RAVER1: variants seen among roughly 807,000 people sequenced by gnomAD.
RAVER1 encodes ribonucleoprotein, PTB binding 1, also known as ribonucleoprotein PTB-binding 1.
A neutral mutation model predicts 68.4 loss-of-function variants in RAVER1; 36 were observed. The observed-to-expected ratio is 0.53, with a 90% CI of 0.40 to 0.70. The LOEUF is 0.70. Ranked by LOEUF, RAVER1 falls within the 30% of genes least tolerant of loss-of-function variation. The probability of loss-of-function intolerance (pLI) is 0.00; values close to 1 mark genes in which losing one functional copy is unlikely to be tolerated. For synonymous variants in RAVER1, 469 were observed against 472.7 expected (o/e 0.99, Z 0.10); for missense variants, 933 against 1,019.8 (o/e 0.91, Z 1.16).
chr19:10,331,394 A>AAC (rs1491413460), intron 1 of RAVER1, among the ~76,000 whole-genome samples: 8 of 49,206 alleles, frequency 1.6e-4, no homozygotes, highest in Non-Finnish European at 2.5e-4. Flanking sequence ...TAACAACAAC[A>AAC]AAAAAAAAAA....
rs1568309199 is a variant in RAVER1 at position 10,317,508 on chromosome 19, C to G, written c.2166G>C (p.Gln722His). 6.2e-7 allele frequency: 1 copy of G among 1,613,646 alleles called. No individual in the cohort carries two copies. Among genetic ancestry groups the G allele is most frequent in the Non-Finnish European group, 8.5e-7 (1 of 1,179,560 alleles). Residue 722 changes from glutamine (Q) to histidine (H), a missense_variant, in exon 13 of 13, where the codon CAG becomes CAC. By Grantham distance (24) the Gln-to-His change is conservative. Around this residue, in one of 3 missense-constraint regions of RAVER1, gnomAD observed 699 missense variants for 731.1 expected, o/e 0.96. Transcript: ENST00000617231. The surrounding 1 kb of genome is among the most constrained non-coding windows in gnomAD (Gnocchi z 4.3). ...PEGSYVGQHS[Q>H]GLGGHYADSY... ...AGTCCGCGTAGTGGCCGCCGAGGCC[C>G]TGGGAGTGCTGGCCCACATAGCTGC... is the stretch of plus-strand genomic sequence containing the variant.
In RAVER1 at chr19:10,321,138, C is replaced by T. The variant is rs2145069366; in HGVS notation, c.1383G>A (p.Gln461=). The T allele has an allele frequency of 7.7e-7, 1 of 1,292,892 alleles. No individual in the cohort carries two copies. The allele number at this position is 1,292,892 out of a possible 1,614,324, so 80.1% of individuals were successfully genotyped here. Residue 461 remains glutamine (Q), a synonymous_variant, in exon 8 of 13, where the codon CAG becomes CAA. Transcript: ENST00000617231. ...EALGLGPPAA[Q]LTPPPAPVGL... is the part of the protein sequence containing the mutation. ...CCACAGGGGCGGGGGGAGGAGTGAGCTGGGCCGCTGGGGGACCCAAGCCCA... is the reference window on the plus strand; with the variant it reads ...CCACAGGGGCGGGGGGAGGAGTGAGTTGGGCCGCTGGGGGACCCAAGCCCA...
At chr19:10,325,745 C>T (rs962660173) in intron 3 of RAVER1, among the ~76,000 whole-genome samples, 1 of 151,052 alleles carries the variant, frequency 6.6e-6, no homozygotes, top group Non-Finnish European at 1.5e-5. Context: ...CCCAGGAGGT[C>T]GAGGCCGGAG....
At chr19:10,330,222 T>A (rs78032802) in intron 2 of RAVER1, among the ~76,000 whole-genome samples, 2,265 of 151,904 alleles carry the variant, frequency 0.015, 32 homozygotes, top group South Asian at 0.025. Flanking sequence ...TGTCAAGAAT[T>A]AGCTCAATGC....
At chr19:10,327,790 TG>T (rs890298541) in intron 3 of RAVER1, among the ~76,000 whole-genome samples, 1 of 152,200 alleles carries the variant, frequency 6.6e-6, no homozygotes, top group African/African-American at 2.4e-5. Context: ...CAGCGAGTGC[TG>T]GGGGAATGTC....
At chr19:10,324,657 C>T (rs566779809) in intron 3 of RAVER1, among the ~76,000 whole-genome samples, 2 of 152,132 alleles carry the variant, frequency 1.3e-5, no homozygotes, top group Non-Finnish European at 2.9e-5. Context: ...GGATTACAGG[C>T]GTGAGCCACT....
At chr19:10,327,675 T>C (rs1416579937) in intron 3 of RAVER1, among the ~76,000 whole-genome samples, 1 of 152,202 alleles carries the variant, frequency 6.6e-6, no homozygotes, top group African/African-American at 2.4e-5. Context: ...GGCAAGTTAC[T>C]TGACCCCTCT....
intron 10 of RAVER1, 48 bp downstream of exon 10, chr19:10,319,118 A>G: frequency 1.9e-6 from 3 of 1,547,000 alleles, no homozygotes; most frequent in Non-Finnish European, 1.8e-6. Flanking sequence ...ACAGCCTGTC[A>G]TGTAGTAAAA....
chr19:10,318,834 G>C (rs923136814), intron 10 of RAVER1, among the ~76,000 whole-genome samples: 4 of 152,224 alleles, frequency 2.6e-5, no homozygotes, highest in Admixed American at 2.6e-4. Flanking sequence ...AGCTCACTGA[G>C]ACCCAGGTGA....
Position 10,320,808 on chromosome 19 carries a change from A to T in RAVER1, c.1617T>A (p.Ala539=). The change falls in exon 9 of 13, where the codon GCT becomes GCA. Residue 539 remains alanine, a synonymous_variant. Transcript: ENST00000617231. The part of the protein sequence containing the change: ...WGGAGRSRRP[A]EGPPTNPPAP... Reference sequence around the variant, plus strand: ...CTGGGGGGTTAGTTGGGGGGCCCTCAGCTGGGCGGCGGCTTCTCCCGGCGC... The same window carrying T: ...CTGGGGGGTTAGTTGGGGGGCCCTCTGCTGGGCGGCGGCTTCTCCCGGCGC... The T allele has an allele frequency of 6.6e-7, 1 of 1,526,268 alleles. No homozygotes were observed. The highest frequency in any genetic ancestry group is 8.7e-7 in the Non-Finnish European group (1 of 1,144,534). The allele number at this position is 1,526,268 out of a possible 1,614,324, so 94.5% of individuals were successfully genotyped here.
chr19:10,327,341 G>A (rs78763691), intron 3 of RAVER1, among the ~76,000 whole-genome samples: 4,452 of 152,044 alleles, frequency 0.029, 88 homozygotes, highest in East Asian at 0.049. Context: ...ATGGCTCACT[G>A]CAGCCTCGGA....
chr19:10,325,680 G>A (rs1403019529), intron 3 of RAVER1, among the ~76,000 whole-genome samples: 1 of 152,106 alleles, frequency 6.6e-6, no homozygotes, highest in Non-Finnish European at 1.5e-5. Context: ...GCATGGTGAT[G>A]CATTCCTGTA....
intron 1 of RAVER1, among the ~76,000 whole-genome samples, chr19:10,331,547 G>T (rs2040518115): frequency 6.6e-6 from 1 of 151,404 alleles, no homozygotes; most frequent in Admixed American, 6.6e-5. Flanking sequence ...TCAGCTGGCT[G>T]TGGTGGCGTG....
At position 10,322,765 on chromosome 19, in the gene RAVER1, T is replaced by TG. The variant is rs1414537491; in HGVS notation, c.1079-27dup. 1.5e-6 allele frequency: 2 copies of TG among 1,344,258 alleles called. No individual in the cohort carries two copies. Among genetic ancestry groups the TG allele is most frequent in the Non-Finnish European group, 2.0e-6 (2 of 1,017,158 alleles). 83.3% of individuals were successfully genotyped at this position (1,344,258 alleles called of 1,614,324 possible). ...CTGGAGGGAGACATAGGAGGATGTGTGGGGGTCCCTGTGTCCTCCCTGCCC... is the reference window on the plus strand; with the variant it reads ...CTGGAGGGAGACATAGGAGGATGTGTGGGGGGTCCCTGTGTCCTCCCTGCCC... On this transcript the variant is annotated intron_variant, in intron 5 of 12. Coordinates refer to ENST00000617231, the MANE Select transcript of RAVER1 (RefSeq NM_133452.3). This position sits in a 1 kb window ranked among gnomAD's most constrained non-coding sequence, Gnocchi z 4.3.
At chr19:10,318,396 T>C (rs2040410875) in intron 10 of RAVER1, 24 bp from the exon 11 acceptor site, 2 of 1,571,780 alleles carry the variant, frequency 1.3e-6, no homozygotes, top group Non-Finnish European at 1.7e-6. Flanking sequence ...GCCGGTGGAG[T>C]GAAGCAGACA....
In RAVER1 at chr19:10,323,315, CCCTG is replaced by C; in HGVS notation, c.949-45_949-42del. On this transcript the variant is annotated intron_variant, in intron 4 of 12. Transcript: ENST00000617231. The surrounding 1 kb of genome is among the most constrained non-coding windows in gnomAD (Gnocchi z 6.2). ...GAAGCAGCTCAGAGTGCCGCTGGGG[CCCTG>C]ACATCCCCATGGGGCTCCCATCCCC... 6.2e-7 allele frequency: 1 copy of C among 1,611,734 alleles called. No homozygotes were observed. The highest frequency in any genetic ancestry group is 8.5e-7 in the Non-Finnish European group (1 of 1,179,062).
intron 9 of RAVER1, 78 bp downstream of exon 9, chr19:10,320,577 C>T: frequency 7.5e-7 from 1 of 1,324,508 alleles, no homozygotes; most frequent in Non-Finnish European, 1.0e-6. Context: ...CATGGCCTGG[C>T]ATAGTCAATC....
Position 10,320,704 on chromosome 19 carries a change from A to C in RAVER1, c.1721T>G (p.Leu574Arg). The C allele has an allele frequency of 6.5e-7, 1 of 1,532,714 alleles. No individual in the cohort carries two copies. The highest frequency in any genetic ancestry group is 8.7e-7 in the Non-Finnish European group (1 of 1,150,096). 94.9% of individuals were successfully genotyped at this position (1,532,714 alleles called of 1,614,324 possible). A position where few individuals can be genotyped will look rare whatever the true frequency, so the allele number is the denominator to read the frequency against. ...GTCAGACAGTCCTGGTTCGGGGGGC[A>C]GGCGGGCGCTGCTGAGGGGGCTGAG... is the stretch of plus-strand genomic sequence containing the variant. ...RLLSPLSSARLPPEPGLSDSY... is the reference protein window; with the variant it reads ...RLLSPLSSARRPPEPGLSDSY... The change falls in exon 9 of 13, where the codon CTG becomes CGG. Residue 574 changes from leucine to arginine, a missense_variant. By Grantham distance (102) the Leu-to-Arg change is moderately radical. This residue lies in a region of RAVER1 where 699 missense variants were observed against 731.1 expected (regional missense o/e 0.96). Coordinates refer to ENST00000617231, the MANE Select transcript of RAVER1 (RefSeq NM_133452.3).
rs764604335 is a variant in RAVER1, at chr19:10,333,348, G to T, written c.160C>A (p.Gln54Lys). Residue 54 changes from glutamine to lysine, a missense_variant, in exon 1 of 13, where the codon CAG becomes AAG. Gln to Lys is a moderately conservative substitution (Grantham distance 53). This residue lies in a region of RAVER1 where 211 missense variants were observed against 230.0 expected (regional missense o/e 0.92). Transcript: ENST00000617231. This position sits in a 1 kb window ranked among gnomAD's most constrained non-coding sequence, Gnocchi z 4.2. ...AGTATCTTGCGGCGGTTACGGAACT[G>T]GCGCTCGGTGTGTTCCAGGCGTTTC... ...IRKRLEHTER[Q>K]FRNRRKILIR... 1 of 1,613,864 alleles carries T rather than the reference G, an allele frequency of 6.2e-7. No individual in the cohort carries two copies. Among genetic ancestry groups the T allele is most frequent in the South Asian group, 1.1e-5 (1 of 91,086 alleles).
Sources: allele counts gnomAD v4.1 joint callset (sites outside exome capture counted in the v4.1 genomes callset), GRCh38; gene constraint gnomAD v4.1.1; regional missense constraint gnomAD v4.1.1; non-coding constraint Gnocchi (gnomAD v3.1); transcripts MANE v1.5; gene names NCBI Gene and HGNC (gene_info 2026-07-23, HGNC 2026-07-21).